The following MARCO variants were observed in gnomAD, a reference collection of about 807,000 sequenced individuals.
The protein encoded by MARCO is macrophage receptor MARCO.
In MARCO, 72 loss-of-function variants were observed where a neutral mutation model predicts 70.0. The ratio of observed to expected loss-of-function variants is 1.03; its 90% CI spans 0.85 to 1.25. The LOEUF (loss-of-function observed/expected upper bound fraction) is 1.25. Ranked by LOEUF, MARCO falls within the 50% of genes most tolerant of loss-of-function variation. The pLI, the probability that MARCO is intolerant of heterozygous loss-of-function variation, is 0.00. For synonymous variants in MARCO, 273 were observed against 243.1 expected, an observed-to-expected ratio of 1.12 and a Z score of -1.14; for missense variants, 696 against 659.3, an observed-to-expected ratio of 1.06 and a Z score of -0.61.
At chr2:118,961,574 T>G (rs1247589582) in intron 1 of MARCO, among the ~76,000 whole-genome samples, 1 of 152,244 alleles carries the variant, frequency 6.6e-6, no homozygotes, top group Non-Finnish European at 1.5e-5. Flanking sequence ...TTGTTTTTTT[T>G]TCTTGTAAAT....
intron 2 of MARCO, 99 bp downstream of exon 2, chr2:118,969,360 G>A (rs978252526): frequency 1.5e-5 from 13 of 849,814 alleles, no homozygotes; most frequent in Non-Finnish European, 2.3e-5. Flanking sequence ...GAGAGCCTCG[G>A]GCCACTGCTC....
intron 1 of MARCO, among the ~76,000 whole-genome samples, chr2:118,946,966 A>G (rs1055114238): frequency 6.6e-6 from 1 of 152,208 alleles, no homozygotes; most frequent in African/African-American, 2.4e-5. Flanking sequence ...TAGCCTCTTC[A>G]GTGAAATGTC....
chr2:118,970,949 G>C (rs1396351380), intron 3 of MARCO, among the ~76,000 whole-genome samples: 2 of 152,222 alleles, frequency 1.3e-5, no homozygotes, highest in Non-Finnish European at 2.9e-5. Flanking sequence ...CCCTGTGTGA[G>C]CTGAGGCTTA....
intron 12 of MARCO, among the ~76,000 whole-genome samples, chr2:118,986,668 G>GAAAGAAA (rs1680505013): frequency 3.1e-4 from 15 of 48,494 alleles, no homozygotes; most frequent in Middle Eastern, 0.01. Context: ...AAGGAAGGAA[G>GAAAGAAA]GAAGGAAAGA....
chr2:118,970,138 G>T lies in MARCO; in HGVS notation c.224G>T (p.Arg75Leu). The T allele has an allele frequency of 1.2e-6, 2 of 1,614,068 alleles. No individual in the cohort carries two copies. The highest frequency in any genetic ancestry group is 2.2e-5 in the South Asian group (2 of 91,072). ...GTTCTGAATCTGCAGGCGCGGCTCCGGGTCCTGGAGATGTATTTCCTCAAT... is the reference window on the plus strand; with the variant it reads ...GTTCTGAATCTGCAGGCGCGGCTCCTGGTCCTGGAGATGTATTTCCTCAAT... ...VQVLNLQARL[R>L]VLEMYFLNDT... is the part of the protein sequence containing the mutation. Residue 75 changes from arginine to leucine, a missense_variant, in exon 3 of 17, where the codon CGG becomes CTG. By Grantham distance (102) the Arg-to-Leu change is moderately radical. Around this residue, in one of 3 missense-constraint regions of MARCO, gnomAD observed 605 missense variants for 537.6 expected, o/e 1.13. Transcript: ENST00000327097.
At chr2:118,981,740 T>G (rs1680396606) in intron 10 of MARCO, 84 bp downstream of exon 10, 1 of 1,352,486 alleles carries the variant, frequency 7.4e-7, no homozygotes, top group South Asian at 1.2e-5. Context: ...CCACCATCTT[T>G]TGCTTCATTG....
Position 118,979,886 on chromosome 2 carries a change from C to A in MARCO, c.767-1523C>A, listed in dbSNP as rs1198615489. 3.3e-5 allele frequency among the ~76,000 whole-genome samples: 5 copies of A among 152,160 alleles called. No individual in the cohort carries two copies. In the East Asian group the frequency reaches 9.6e-4, roughly 29 times the overall value. On this transcript the variant is annotated intron_variant, in intron 8 of 16. Coordinates refer to ENST00000327097, the MANE Select transcript of MARCO (RefSeq NM_006770.4). ...TTCCTGCTAGTAGACAGATAAGCCA[C>A]CAACTTAAAGTCCCAGGGGATAAGC...
chr2:118,981,531 C>A, intron 9 of MARCO, 24 bp downstream of exon 9: 1 of 1,589,170 alleles, frequency 6.3e-7, no homozygotes, highest in Non-Finnish European at 8.6e-7. Flanking sequence ...TGGTCACATC[C>A]ACTGACCTCT....
chr2:118,956,864 G>A (rs1679847446), intron 1 of MARCO, among the ~76,000 whole-genome samples: 1 of 152,046 alleles, frequency 6.6e-6, no homozygotes, highest in Non-Finnish European at 1.5e-5. Context: ...GCAAATACAT[G>A]GAAATTAAAT....
At chr2:118,992,975 A>T in intron 15 of MARCO, 149 bp from the exon 16 acceptor site, 2 of 736,768 alleles carry the variant, frequency 2.7e-6, no homozygotes, top group South Asian at 3.9e-5. Flanking sequence ...TGGCACTGTA[A>T]AGTGGGATCT....
At chr2:118,980,604 C>G (rs1340804421) in intron 8 of MARCO, among the ~76,000 whole-genome samples, 1 of 152,156 alleles carries the variant, frequency 6.6e-6, no homozygotes, top group Non-Finnish European at 1.5e-5. Context: ...TTTTTGAAAG[C>G]CTAAAATGTT....
chr2:118,968,341 G>A (rs541874451), intron 1 of MARCO, among the ~76,000 whole-genome samples: 2 of 152,188 alleles, frequency 1.3e-5, no homozygotes, highest in Non-Finnish European at 2.9e-5. Context: ...TGTCTCTAAG[G>A]AGTATTAGGC....
rs1558674845 is a variant in MARCO, at chr2:118,992,460, A to G, written c.1236A>G (p.Gly412=). The change falls in exon 15 of 17, where the codon GGA becomes GGG. Residue 412 remains glycine (G), a synonymous_variant. Transcript: ENST00000327097. The part of the protein sequence containing the change: ...KGSSGEQGVK[G]EKGERGENSV... The stretch of plus-strand genomic sequence containing the variant: ...CTTCTGGGGAGCAAGGAGTAAAGGG[A>G]GAAAAAGGTGAAAGAGGTAATCACT... 1 of 1,613,552 alleles carries G rather than the reference A, an allele frequency of 6.2e-7. No individual in the cohort carries two copies. Among genetic ancestry groups the G allele is most frequent in the East Asian group, 2.2e-5 (1 of 44,870 alleles).
chr2:118,959,725 G>A (rs34810313), intron 1 of MARCO, among the ~76,000 whole-genome samples: 4,356 of 152,172 alleles, frequency 0.029, 82 homozygotes, highest in Middle Eastern at 0.054. Flanking sequence ...GCAAAATCAT[G>A]GAACCCCAAC....
intron 12 of MARCO, among the ~76,000 whole-genome samples, chr2:118,984,825 A>G (rs1680455145): frequency 6.6e-6 from 1 of 152,222 alleles, no homozygotes; most frequent in South Asian, 2.1e-4. Context: ...GTATTCCCCA[A>G]ACTAAAGCCA....
At chr2:118,981,939 C>T (rs536622451) in intron 10 of MARCO, among the ~76,000 whole-genome samples, 1 of 152,220 alleles carries the variant, frequency 6.6e-6, no homozygotes, top group East Asian at 1.9e-4. Flanking sequence ...AGTCCCAGGC[C>T]CTGCAGATGG....
At position 118,981,607 on chromosome 2, in the gene MARCO, C is replaced by A. The variant is rs767473438; in HGVS notation, c.866-14C>A. ...AAGGAAAAAAAAATTCCTAAAAGTT[C>A]TTTTTCATCTTAGGTTTGGCTGGTT... On this transcript the variant is annotated splice_polypyrimidine_tract_variant and intron_variant, in intron 9 of 16. Coordinates refer to ENST00000327097, the MANE Select transcript of MARCO (RefSeq NM_006770.4). 4 of 1,581,558 alleles carry A rather than the reference C, an allele frequency of 2.5e-6. No homozygotes were observed. The highest frequency in any genetic ancestry group is 4.6e-5 in the East Asian group (2 of 43,040).
At position 118,986,652 on chromosome 2, in the gene MARCO, A is replaced by AGAAG. The variant is rs199975278; in HGVS notation, c.1064-3917_1064-3914dup. ...AAGAAAGAAAGAAAGAAAGAAAGAA[A>AGAAG]GAAGGAAGGAAGGAAGGAAGGAAAG... On this transcript the variant is annotated intron_variant, in intron 12 of 16. Coordinates refer to ENST00000327097, the MANE Select transcript of MARCO (RefSeq NM_006770.4). Among the ~76,000 whole-genome samples, 154 of 48,418 alleles carry AGAAG rather than the reference A, an allele frequency of 3.2e-3. 5 individuals carry two copies. Among genetic ancestry groups the AGAAG allele is most frequent in the Admixed American group, 4.6e-3 (18 of 3,918 alleles). The allele number at this position is 48,418 out of a possible 152,430, so 31.8% of individuals were successfully genotyped here. A position where few individuals can be genotyped will look rare whatever the true frequency, so the allele number is the denominator to read the frequency against.
At chr2:118,969,118 T>C (rs1263258027) in intron 1 of MARCO, 42 bp from the exon 2 acceptor site, 1 of 1,397,420 alleles carries the variant, frequency 7.2e-7, no homozygotes, top group African/African-American at 1.4e-5. Flanking sequence ...TCCTGTGCTG[T>C]GTTCTCTGCA....
Sources: gnomAD v4.1 joint callset for allele counts (sites outside exome capture counted in the v4.1 genomes callset) on GRCh38, gnomAD v4.1.1 for gene constraint, gnomAD v4.1.1 regional missense constraint, MANE v1.5 for transcripts, NCBI Gene and HGNC (gene_info 2026-07-23, HGNC 2026-07-21) for gene names.